The following RAB5B variants were observed in gnomAD, a reference collection of about 807,000 sequenced individuals.
The protein encoded by RAB5B is ras-related protein Rab-5B.
RAB5B carries 11 observed loss-of-function variants against 28.6 expected under a neutral mutation model. The observed-to-expected ratio is 0.38, with a 90% CI of 0.24 to 0.64. The LOEUF (loss-of-function observed/expected upper bound fraction) is 0.64, where lower values mean the gene tolerates loss of function less well. RAB5B is among the 30% of genes least tolerant of loss of function. The pLI, the probability that RAB5B is intolerant of heterozygous loss-of-function variation, is 0.53. For synonymous variants in RAB5B, 93 were observed against 97.9 expected (o/e 0.95, Z 0.29); for missense variants, 169 against 265.6 (o/e 0.64, Z 2.53).
At chr12:55,991,898 T>A in intron 5 of RAB5B, 199 bp from the exon 6 acceptor site, 1 of 527,008 alleles carries the variant, frequency 1.9e-6, no homozygotes, top group Non-Finnish European at 3.4e-6. Context: ...CTGCACTCCA[T>A]CCTGGCAACA....
chr12:55,996,164 A>AC lies in RAB5B; in HGVS notation c.*3958dup, dbSNP rs991389261. On this transcript the variant is annotated 3_prime_UTR_variant, in exon 6 of 6. Coordinates refer to ENST00000360299, the MANE Select transcript of RAB5B (RefSeq NM_002868.4). ...CCCTTACCTTATATCTCTTGGTAAT[A>AC]CCCCCCACCCCCGTTCCCTGATTCC... 1 of 149,978 alleles carries AC rather than the reference A, an allele frequency of 6.7e-6. No individual in the cohort carries two copies. Among genetic ancestry groups the AC allele is most frequent in the Non-Finnish European group, 1.5e-5 (1 of 67,612 alleles). The allele number at this position is 149,978 out of a possible 1,614,324, so 9.3% of individuals were successfully genotyped here.
chr12:55,990,643 A>G (rs374618196), intron 3 of RAB5B, 39 bp from the exon 4 acceptor site: 12 of 1,610,506 alleles, frequency 7.5e-6, no homozygotes, highest in Non-Finnish European at 1.0e-5. Flanking sequence ...ATGGATTGGC[A>G]GTCATTCCAG....
chr12:55,991,522 T>A (rs1288895231), intron 5 of RAB5B, 69 bp downstream of exon 5: 2 of 1,339,378 alleles, frequency 1.5e-6, no homozygotes, highest in African/African-American at 2.9e-5. Flanking sequence ...CTAACCCAAA[T>A]CAAGGATAGG....
At chr12:55,976,941 C>G (rs893602839) in intron 1 of RAB5B, among the ~76,000 whole-genome samples, 1 of 152,180 alleles carries the variant, frequency 6.6e-6, no homozygotes, top group African/African-American at 2.4e-5. Context: ...ACTTTTCTCA[C>G]CTGCAAGCCA....
intron 4 of RAB5B, 31 bp from the exon 5 acceptor site, chr12:55,991,329 T>A: frequency 6.5e-7 from 1 of 1,544,354 alleles, no homozygotes. Flanking sequence ...CACCCTACAT[T>A]CTGAGCACTA....
rs773246897 is a variant in RAB5B at position 55,992,078 on chromosome 12, C to T, written c.533-19C>T. ...AGTAAAGTCTACCATACTTTGTTCT[C>T]TTCTCTTTTTATCTCTAGCTAAGAA... On this transcript the variant is annotated intron_variant, in intron 5 of 5. Transcript: ENST00000360299. 2 of 1,602,484 alleles carry T rather than the reference C, an allele frequency of 1.2e-6. No individual in the cohort carries two copies. Among genetic ancestry groups the T allele is most frequent in the Non-Finnish European group, 1.7e-6 (2 of 1,169,668 alleles).
At chr12:55,990,294 G>C (rs1402525305) in intron 3 of RAB5B, 196 bp downstream of exon 3, 8 of 553,698 alleles carry the variant, frequency 1.4e-5, no homozygotes, top group Non-Finnish European at 2.1e-5. Flanking sequence ...TGTAGTCCCA[G>C]CTACTCGGGA....
Position 55,992,085 on chromosome 12 carries a change from T to C in RAB5B, c.533-12T>C. ...TCTACCATACTTTGTTCTCTTCTCTTTTTATCTCTAGCTAAGAAGTTGCCA... is the reference window on the plus strand; with the variant it reads ...TCTACCATACTTTGTTCTCTTCTCTCTTTATCTCTAGCTAAGAAGTTGCCA... On this transcript the variant is annotated splice_polypyrimidine_tract_variant and intron_variant, in intron 5 of 5. Transcript: ENST00000360299. 1 of 1,609,950 alleles carries C rather than the reference T, an allele frequency of 6.2e-7. No homozygotes were observed. Among genetic ancestry groups the C allele is most frequent in the East Asian group, 2.2e-5 (1 of 44,860 alleles).
At chr12:55,978,506 GAAA>G (rs747815542) in intron 1 of RAB5B, among the ~76,000 whole-genome samples, 1 of 141,440 alleles carries the variant, frequency 7.1e-6, no homozygotes, top group Non-Finnish European at 1.5e-5. Context: ...TCCGTCTCAG[GAAA>G]AAAAAAAAAG....
At chr12:55,981,569 T>TTC (rs1034150190) in intron 1 of RAB5B, among the ~76,000 whole-genome samples, 6 of 151,990 alleles carry the variant, frequency 3.9e-5, no homozygotes, top group African/African-American at 1.2e-4. Flanking sequence ...TGTATTTGGT[T>TTC]TAGGGACTCA....
chr12:55,983,041 CT>C (rs568518153), intron 1 of RAB5B, among the ~76,000 whole-genome samples: 173 of 148,344 alleles, frequency 1.2e-3, no homozygotes, highest in African/African-American at 4.0e-3. Flanking sequence ...ATCATCTGTC[CT>C]TTTTTTTTTA....
intron 1 of RAB5B, among the ~76,000 whole-genome samples, chr12:55,974,747 G>T (rs1418062942): frequency 6.6e-6 from 1 of 152,152 alleles, no homozygotes; most frequent in Non-Finnish European, 1.5e-5. Context: ...GAAGACTAAG[G>T]TAGTTGAAGT....
chr12:55,996,006 T>A lies in RAB5B; in HGVS notation c.*3794T>A, dbSNP rs564302246. The A allele has an allele frequency of 1.3e-3, 184 of 140,024 alleles. 4 individuals are homozygous for A. Among genetic ancestry groups the A allele is most frequent in the African/African-American group, 4.4e-3 (157 of 36,022 alleles). 8.7% of individuals were successfully genotyped at this position (140,024 alleles called of 1,614,324 possible). A position where few individuals can be genotyped will look rare whatever the true frequency, so the allele number is the denominator to read the frequency against. Reference sequence around the variant, plus strand: ...ATACATATATATATATATATATATTTTTTTTTTAACAACTGGTAGGATAGG... The same window carrying A: ...ATACATATATATATATATATATATTATTTTTTTAACAACTGGTAGGATAGG... On this transcript the variant is annotated 3_prime_UTR_variant, in exon 6 of 6. Coordinates refer to ENST00000360299, the MANE Select transcript of RAB5B (RefSeq NM_002868.4).
intron 1 of RAB5B, among the ~76,000 whole-genome samples, chr12:55,979,929 A>G (rs1390031832): frequency 2.0e-5 from 3 of 152,194 alleles, no homozygotes; most frequent in Non-Finnish European, 4.4e-5. Context: ...GTAACACTTG[A>G]CAAGTTGACT....
intron 2 of RAB5B, among the ~76,000 whole-genome samples, chr12:55,988,503 T>G (rs1890018974): frequency 6.6e-6 from 1 of 152,124 alleles, no homozygotes; most frequent in African/African-American, 2.4e-5. Context: ...TTGTTATTTT[T>G]ATTTATTTAT....
intron 1 of RAB5B, among the ~76,000 whole-genome samples, chr12:55,975,311 G>A (rs1466005235): frequency 6.6e-6 from 1 of 152,180 alleles, no homozygotes; most frequent in East Asian, 1.9e-4. Context: ...TGATATCACT[G>A]AGGAAGAGAT....
chr12:55,990,857 CT>C, intron 4 of RAB5B, 53 bp downstream of exon 4: 14 of 1,595,512 alleles, frequency 8.8e-6, no homozygotes, highest in Admixed American at 1.7e-5. Context: ...CCTGGGACCT[CT>C]TTTTTTCCAA....
chr12:55,976,485 G>A (rs946734044), intron 1 of RAB5B, among the ~76,000 whole-genome samples: 3 of 152,158 alleles, frequency 2.0e-5, no homozygotes, highest in Admixed American at 2.0e-4. Flanking sequence ...GGGGAGAAAG[G>A]ATCATTTTGG....
chr12:55,990,420 A>T (rs1029507833), intron 3 of RAB5B, among the ~76,000 whole-genome samples: 1 of 152,166 alleles, frequency 6.6e-6, no homozygotes, highest in Non-Finnish European at 1.5e-5. Context: ...AAAAAAAAGA[A>T]AAAAGACTGT....
Sources: allele counts gnomAD v4.1 joint callset (sites outside exome capture counted in the v4.1 genomes callset), GRCh38; gene constraint gnomAD v4.1.1; transcripts MANE v1.5; gene names NCBI Gene and HGNC (gene_info 2026-07-23, HGNC 2026-07-21).